ADGRG7: variants seen among roughly 807,000 people sequenced by gnomAD.
ADGRG7 encodes the protein G-protein coupled receptor 128.
Under a neutral mutation model 88.6 loss-of-function variants are expected in ADGRG7, and 82 were observed. That is an observed-to-expected ratio of 0.93 (90% CI 0.77 to 1.11). The LOEUF is 1.11. Among genes scored for constraint, ADGRG7 ranks in the 50% most tolerant of loss-of-function variants. The pLI, the probability that ADGRG7 is intolerant of heterozygous loss-of-function variation, is 0.00. For missense variants in ADGRG7, 945 were observed against 953.4 expected (o/e 0.99, Z 0.12); for synonymous variants, 381 against 345.2 (o/e 1.10, Z -1.15).
At chr3:100,654,212 G>T (rs2149029045) in intron 11 of ADGRG7, 1 of 152,318 alleles carries the variant, frequency 6.6e-6, no homozygotes, top group Middle Eastern at 3.4e-3. Flanking sequence ...GTCTCACGTG[G>T]AGGGCCATGT....
At chr3:100,688,691 G>A (rs2094987641) in intron 15 of ADGRG7, among the ~76,000 whole-genome samples, 1 of 152,182 alleles carries the variant, frequency 6.6e-6, no homozygotes, top group Admixed American at 6.5e-5. Flanking sequence ...GCGGTTTTGA[G>A]TGAGTTTCTT....
Position 100,668,812 on chromosome 3 carries a change from C to A in ADGRG7, c.1980-137C>A, listed in dbSNP as rs573212576. On this transcript the variant is annotated intron_variant, in intron 14 of 15. Coordinates refer to ENST00000273352, the MANE Select transcript of ADGRG7 (RefSeq NM_032787.3). ...TGATGTAAGACTTAGCATCATTTTT[C>A]CACCTGGGGCATAATATTGTTAAGT... is the stretch of plus-strand genomic sequence containing the variant. The A allele has an allele frequency of 4.0e-4, 205 of 518,104 alleles. 2 individuals carry two copies. The highest frequency in any genetic ancestry group is 3.7e-3 in the African/African-American group (186 of 50,564). 32.1% of individuals were successfully genotyped at this position (518,104 alleles called of 1,614,324 possible). A position where few individuals can be genotyped will look rare whatever the true frequency, so the allele number is the denominator to read the frequency against.
At chr3:100,612,416 G>A (rs1707166754) in intron 1 of ADGRG7, among the ~76,000 whole-genome samples, 1 of 152,122 alleles carries the variant, frequency 6.6e-6, no homozygotes, top group Non-Finnish European at 1.5e-5. Flanking sequence ...CAGAACTCCA[G>A]CCTTTTCACA....
intron 15 of ADGRG7, among the ~76,000 whole-genome samples, chr3:100,689,428 C>A (rs1198582220): frequency 6.6e-6 from 1 of 151,762 alleles, no homozygotes; most frequent in Non-Finnish European, 1.5e-5. Context: ...TTATGTTAGC[C>A]AGTTATTTTG....
At chr3:100,675,325 AT>A (rs898980734) in intron 15 of ADGRG7, among the ~76,000 whole-genome samples, 1 of 151,810 alleles carries the variant, frequency 6.6e-6, no homozygotes, top group Non-Finnish European at 1.5e-5. Context: ...ATTTTATAAA[AT>A]TTTTTTTAGC....
intron 15 of ADGRG7, among the ~76,000 whole-genome samples, chr3:100,672,319 T>C (rs2094959844): frequency 1.3e-5 from 2 of 152,250 alleles, no homozygotes; most frequent in African/African-American, 2.4e-5. Flanking sequence ...TTTGTACCAA[T>C]TGTGAATGGG....
intron 15 of ADGRG7, among the ~76,000 whole-genome samples, chr3:100,678,150 C>T (rs1325102134): frequency 6.6e-6 from 1 of 151,900 alleles, no homozygotes; most frequent in Non-Finnish European, 1.5e-5. Flanking sequence ...TGTGTATTTT[C>T]AAATAGCCTG....
chr3:100,623,708 A>G (rs1294533649), intron 1 of ADGRG7, among the ~76,000 whole-genome samples: 3 of 150,286 alleles, frequency 2.0e-5, no homozygotes, highest in Admixed American at 6.6e-5. Flanking sequence ...CCTTGCCCCT[A>G]CTCCCCAACA....
rs1393884900 is a variant in ADGRG7 at position 100,646,126 on chromosome 3, G to A, written c.1110+18G>A. The stretch of plus-strand genomic sequence containing the variant: ...GTCCAAAGGTGAGTTTTTCATTGCA[G>A]ATGCAAGAAAAAAGTGTCCTCATGC... On this transcript the variant is annotated intron_variant, in intron 9 of 15. Transcript: ENST00000273352. 6.7e-7 allele frequency: 1 copy of A among 1,501,750 alleles called. No individual in the cohort carries two copies. The highest frequency in any genetic ancestry group is 9.0e-7 in the Non-Finnish European group (1 of 1,112,376). 93.0% of individuals were successfully genotyped at this position (1,501,750 alleles called of 1,614,324 possible). A position where few individuals can be genotyped will look rare whatever the true frequency, so the allele number is the denominator to read the frequency against.
At chr3:100,684,860 T>G (rs2094979556) in intron 15 of ADGRG7, among the ~76,000 whole-genome samples, 1 of 152,104 alleles carries the variant, frequency 6.6e-6, no homozygotes, top group South Asian at 2.1e-4. Flanking sequence ...AGATATTGAT[T>G]CCTCTCTTTT....
At chr3:100,693,573 A>T (rs1318724255) in intron 15 of ADGRG7, among the ~76,000 whole-genome samples, 3 of 152,244 alleles carry the variant, frequency 2.0e-5, no homozygotes, top group Non-Finnish European at 4.4e-5. Context: ...AACAGTACTC[A>T]CAGGATATGA....
At chr3:100,684,450 T>C (rs2094978884) in intron 15 of ADGRG7, among the ~76,000 whole-genome samples, 1 of 151,910 alleles carries the variant, frequency 6.6e-6, no homozygotes, top group South Asian at 2.1e-4. Context: ...AATTATTTTA[T>C]ACAGATAGGG....
intron 4 of ADGRG7, chr3:100,635,434 T>C: frequency 1.5e-6 from 1 of 659,250 alleles, no homozygotes; most frequent in Non-Finnish European, 2.2e-6. Flanking sequence ...GTAGCCCCAA[T>C]CTAGCTAAGG....
chr3:100,647,438 A>G (rs1707773578), intron 10 of ADGRG7, among the ~76,000 whole-genome samples: 1 of 152,202 alleles, frequency 6.6e-6, no homozygotes, highest in African/African-American at 2.4e-5. Context: ...CAGTTACCCA[A>G]AGCTTTTCCC....
chr3:100,642,842 G>A (rs1386914595), intron 6 of ADGRG7, among the ~76,000 whole-genome samples: 2 of 152,188 alleles, frequency 1.3e-5, no homozygotes, highest in Non-Finnish European at 2.9e-5. Context: ...AACATGCTTT[G>A]GATCCTAAGG....
At chr3:100,676,139 T>G (rs543972545) in intron 15 of ADGRG7, among the ~76,000 whole-genome samples, 1 of 152,230 alleles carries the variant, frequency 6.6e-6, no homozygotes, top group African/African-American at 2.4e-5. Flanking sequence ...TCTTTACTAA[T>G]TTTGGTTTTG....
intron 10 of ADGRG7, among the ~76,000 whole-genome samples, 184 bp from the exon 11 acceptor site, chr3:100,649,511 A>G (rs2094925567): frequency 6.6e-6 from 1 of 152,238 alleles, no homozygotes; most frequent in Non-Finnish European, 1.5e-5. Flanking sequence ...TGTATACTTC[A>G]GGTAAACTGC....
chr3:100,662,169 G>A (rs1413419987), intron 14 of ADGRG7, among the ~76,000 whole-genome samples: 4 of 152,042 alleles, frequency 2.6e-5, no homozygotes, highest in South Asian at 2.1e-4. Context: ...GGGTTGGGGG[G>A]AAACAGCCAA....
At chr3:100,621,418 C>T (rs1367352469) in intron 1 of ADGRG7, among the ~76,000 whole-genome samples, 1 of 152,136 alleles carries the variant, frequency 6.6e-6, no homozygotes, top group South Asian at 2.1e-4. Context: ...AGTGAACACA[C>T]AAATGGTAAG....
Sources: gnomAD v4.1 joint callset for allele counts (sites outside exome capture counted in the v4.1 genomes callset) on GRCh38, gnomAD v4.1.1 for gene constraint, MANE v1.5 for transcripts, NCBI Gene and HGNC (gene_info 2026-07-23, HGNC 2026-07-21) for gene names.